Variants in CAP2 observed in about 807,000 individuals in gnomAD.
CAP2 encodes the protein adenylyl cyclase-associated protein 2.
In CAP2, 24 loss-of-function variants were observed where a neutral mutation model predicts 57.7. The ratio of observed to expected loss-of-function variants is 0.42; its 90% CI spans 0.30 to 0.58. CAP2 has a LOEUF of 0.58. Among genes scored for constraint, CAP2 ranks in the 20% least tolerant of loss-of-function variants. CAP2 has a pLI of 0.22. For missense variants in CAP2, 501 were observed against 590.3 expected (o/e 0.85, Z 1.57); for synonymous variants, 194 against 207.2 (o/e 0.94, Z 0.55).
intron 7 of CAP2, among the ~76,000 whole-genome samples, chr6:17,514,872 A>G (rs1762235835): frequency 1.3e-5 from 2 of 152,058 alleles, no homozygotes; most frequent in South Asian, 4.1e-4. Flanking sequence ...GTCAATTGCA[A>G]AAGTTTATGA....
chr6:17,405,779 C>A (rs1758948466), intron 1 of CAP2, among the ~76,000 whole-genome samples: 1 of 152,166 alleles, frequency 6.6e-6, no homozygotes, highest in Non-Finnish European at 1.5e-5. Context: ...CTCACTCTGT[C>A]ACTCAGGCTG....
At chr6:17,535,867 C>A (rs1429668927) in intron 7 of CAP2, among the ~76,000 whole-genome samples, 4 of 152,046 alleles carry the variant, frequency 2.6e-5, no homozygotes, top group African/African-American at 9.7e-5. Flanking sequence ...AATACAGATG[C>A]CTATGTTGCT....
At chr6:17,521,394 G>A (rs1187957650) in intron 7 of CAP2, among the ~76,000 whole-genome samples, 1 of 152,070 alleles carries the variant, frequency 6.6e-6, no homozygotes, top group Non-Finnish European at 1.5e-5. Context: ...CTCCAGCCTG[G>A]GCCACAGAGC....
chr6:17,499,064 A>C (rs1160971665), intron 4 of CAP2, among the ~76,000 whole-genome samples: 1 of 152,106 alleles, frequency 6.6e-6, no homozygotes, highest in African/African-American at 2.4e-5. Context: ...TACTGAAAAA[A>C]AAAATGTGCC....
At chr6:17,497,866 G>T (rs543035130) in intron 4 of CAP2, among the ~76,000 whole-genome samples, 122 of 152,334 alleles carry the variant, frequency 8.0e-4, no homozygotes, top group African/African-American at 2.8e-3. Context: ...AACAGTTAAT[G>T]TGAAGGGTTT....
chr6:17,543,207 C>A, intron 11 of CAP2, 64 bp downstream of exon 11: 2 of 1,353,574 alleles, frequency 1.5e-6, no homozygotes, highest in Non-Finnish European at 2.1e-6. Flanking sequence ...CTGTAATAAG[C>A]AGAGCCTTTC....
At chr6:17,424,510 G>A (rs987082679) in intron 2 of CAP2, among the ~76,000 whole-genome samples, 1 of 152,174 alleles carries the variant, frequency 6.6e-6, no homozygotes, top group Non-Finnish European at 1.5e-5. Context: ...TGCTTTAGAA[G>A]GTGAGTGTTT....
intron 4 of CAP2, 79 bp from the exon 5 acceptor site, chr6:17,507,090 T>C (rs1218740745): frequency 1.1e-5 from 16 of 1,477,282 alleles, no homozygotes; most frequent in Non-Finnish European, 1.5e-5. Flanking sequence ...TGAATTCTCC[T>C]GCTTAGGCCA....
At chr6:17,451,970 C>T (rs1186595153) in intron 3 of CAP2, among the ~76,000 whole-genome samples, 2 of 152,190 alleles carry the variant, frequency 1.3e-5, no homozygotes, top group South Asian at 2.1e-4. Flanking sequence ...AATCCCACTA[C>T]TTGAAGGTAA....
chr6:17,400,150 C>T (rs1237894907), intron 1 of CAP2, among the ~76,000 whole-genome samples: 9 of 152,140 alleles, frequency 5.9e-5, no homozygotes, highest in African/African-American at 2.2e-4. Context: ...CGCTTGAACC[C>T]GGGAGGCGGA....
At chr6:17,479,494 A>G (rs1761233887) in intron 4 of CAP2, among the ~76,000 whole-genome samples, 1 of 152,042 alleles carries the variant, frequency 6.6e-6, no homozygotes, top group Non-Finnish European at 1.5e-5. Flanking sequence ...AGGAGAAGGG[A>G]GGACGGAAGT....
At chr6:17,428,550 C>A (rs1328314129) in intron 3 of CAP2, among the ~76,000 whole-genome samples, 1 of 146,990 alleles carries the variant, frequency 6.8e-6, no homozygotes, top group South Asian at 2.1e-4. Context: ...CGCATATTCT[C>A]ACTCATAGGT....
chr6:17,427,102 G>A (rs1483835214), intron 3 of CAP2, among the ~76,000 whole-genome samples: 5 of 152,186 alleles, frequency 3.3e-5, no homozygotes, highest in Non-Finnish European at 1.5e-5. Flanking sequence ...TATCTGAGGT[G>A]ACACTGAGCA....
At chr6:17,515,364 G>A (rs1762252827) in intron 7 of CAP2, among the ~76,000 whole-genome samples, 1 of 152,130 alleles carries the variant, frequency 6.6e-6, no homozygotes, top group African/African-American at 2.4e-5. Context: ...GGAACAGAAT[G>A]CCAATACCGT....
rs549420181 is a variant in CAP2, at chr6:17,439,769, T to G, written c.222+13079T>G. Among the ~76,000 whole-genome samples the G allele has an allele frequency of 2.0e-5, 3 of 151,378 alleles. No individual in the cohort carries two copies. In the East Asian group the frequency reaches 5.9e-4, roughly 30 times the overall value. On this transcript the variant is annotated intron_variant, in intron 3 of 12. Coordinates refer to ENST00000229922, the MANE Select transcript of CAP2 (RefSeq NM_006366.3). ...TTGCTGATCTCACAGGTGGTGGAGC[T>G]CGGGCGGTAATGCAAGCGATGGGGA...
At chr6:17,520,510 G>A (rs911787865) in intron 7 of CAP2, among the ~76,000 whole-genome samples, 8 of 152,114 alleles carry the variant, frequency 5.3e-5, no homozygotes, top group African/African-American at 7.2e-5. Context: ...AATGCAAGTC[G>A]TTGGTGGTGG....
intron 1 of CAP2, among the ~76,000 whole-genome samples, chr6:17,413,655 T>C (rs1759198286): frequency 6.6e-6 from 1 of 152,226 alleles, no homozygotes; most frequent in Non-Finnish European, 1.5e-5. Flanking sequence ...CTCCTATACA[T>C]ACCATTACCC....
rs1373330375 is a variant in CAP2 at position 17,536,730 on chromosome 6, T to G, written c.637-2539T>G. ...ACAAAATAGGACTATAAAGCTGCAG[T>G]GTTTCAGATGTTGGGGGAAGGGGCT... On this transcript the variant is annotated intron_variant, in intron 7 of 12. Coordinates refer to ENST00000229922, the MANE Select transcript of CAP2 (RefSeq NM_006366.3). 2.0e-5 allele frequency among the ~76,000 whole-genome samples: 3 copies of G among 152,176 alleles called. No homozygotes were observed. The East Asian group carries it at 5.8e-4, about 29-fold the overall frequency.
At position 17,544,508 on chromosome 6, in the gene CAP2, A is replaced by G. The variant is rs77267795; in HGVS notation, c.1209+1365A>G. Among the ~76,000 whole-genome samples the G allele has an allele frequency of 5.5e-3, 841 of 152,198 alleles. 5 individuals are homozygous for G. The highest frequency in any genetic ancestry group is 0.019 in the African/African-American group (785 of 41,550). On this transcript the variant is annotated intron_variant, in intron 11 of 12. Coordinates refer to ENST00000229922, the MANE Select transcript of CAP2 (RefSeq NM_006366.3). ...GAATTTTATGATATGCCAAAATCTA[A>G]AGGACTTCTTGGTTTTGGCCAATTA...
Sources: gnomAD v4.1 joint callset for allele counts (sites outside exome capture counted in the v4.1 genomes callset) on GRCh38, gnomAD v4.1.1 for gene constraint, MANE v1.5 for transcripts, NCBI Gene and HGNC (gene_info 2026-07-23, HGNC 2026-07-21) for gene names.